VPS50: variants seen among roughly 807,000 people sequenced by gnomAD.
The protein encoded by VPS50 is VPS50 subunit of EARP/GARPII complex, also known as syndetin.
VPS50 carries 70 observed loss-of-function variants against 139.7 expected under a neutral mutation model. The observed-to-expected ratio is 0.50, with a 90% CI of 0.41 to 0.61. The LOEUF is 0.61. VPS50 is among the 20% of genes least tolerant of loss of function. VPS50 has a pLI of 0.00. For missense variants in VPS50, 921 were observed against 1,133.7 expected (o/e 0.81, Z 2.69); for synonymous variants, 365 against 376.7 (o/e 0.97, Z 0.36).
Position 93,360,946 on chromosome 7 carries a change from A to G in VPS50, c.*2510A>G, listed in dbSNP as rs1798816049. 6.6e-6 allele frequency: 1 copy of G among 151,972 alleles called. No individual in the cohort carries two copies. Among genetic ancestry groups the G allele is most frequent in the South Asian group, 2.1e-4 (1 of 4,836 alleles). 9.4% of individuals were successfully genotyped at this position (151,972 alleles called of 1,614,324 possible). ...GAATTTCTCTTGAAACCAGGGCCATATGGTATTTTATCATATCTTTAAATA... is the reference window on the plus strand; with the variant it reads ...GAATTTCTCTTGAAACCAGGGCCATGTGGTATTTTATCATATCTTTAAATA... On this transcript the variant is annotated 3_prime_UTR_variant, in exon 28 of 28. Transcript: ENST00000305866.
At chr7:93,274,699 T>C (rs1174557325) in intron 11 of VPS50, among the ~76,000 whole-genome samples, 3 of 152,176 alleles carry the variant, frequency 2.0e-5, no homozygotes, top group African/African-American at 7.2e-5. Flanking sequence ...GGCTTTCAAG[T>C]CATACTACTT....
At position 93,297,253 on chromosome 7, in the gene VPS50, CTAAT is replaced by C. The variant is rs775088109; in HGVS notation, c.1361+11_1361+14del. 4 of 1,529,148 alleles carry C rather than the reference CTAAT, an allele frequency of 2.6e-6. No individual in the cohort carries two copies. Among genetic ancestry groups the C allele is most frequent in the Non-Finnish European group, 3.5e-6 (4 of 1,151,482 alleles). The allele number at this position is 1,529,148 out of a possible 1,614,324, so 94.7% of individuals were successfully genotyped here. On this transcript the variant is annotated intron_variant, in intron 16 of 27. Transcript: ENST00000305866. ...TCAAGAATTACCATAGGTAAGAACT[CTAAT>C]AAGATATGAATCGACTTATTTAGGT...
At chr7:93,244,895 A>G (rs909539365) in intron 2 of VPS50, among the ~76,000 whole-genome samples, 1 of 151,894 alleles carries the variant, frequency 6.6e-6, no homozygotes, top group African/African-American at 2.4e-5. Context: ...TAATGAAATT[A>G]TGCTTCTCAT....
At chr7:93,239,004 A>G (rs1450793437) in intron 1 of VPS50, among the ~76,000 whole-genome samples, 4 of 152,204 alleles carry the variant, frequency 2.6e-5, no homozygotes, top group African/African-American at 9.7e-5. Context: ...TCTGTAGTTT[A>G]AAGATAAGCA....
chr7:93,265,158 A>T (rs1795802942), intron 9 of VPS50, among the ~76,000 whole-genome samples: 1 of 151,980 alleles, frequency 6.6e-6, no homozygotes, highest in Non-Finnish European at 1.5e-5. Flanking sequence ...ATAATTAAAA[A>T]ATATATACAT....
intron 25 of VPS50, 83 bp from the exon 26 acceptor site, chr7:93,353,557 C>A (rs1432895585): frequency 1.4e-6 from 2 of 1,440,842 alleles, no homozygotes; most frequent in Non-Finnish European, 1.9e-6. Flanking sequence ...CTTTCTAAAT[C>A]TTTTTTATTT....
chr7:93,280,729 T>C (rs1210378066), intron 12 of VPS50, among the ~76,000 whole-genome samples: 1 of 152,128 alleles, frequency 6.6e-6, no homozygotes, highest in Non-Finnish European at 1.5e-5. Context: ...AATTAGGATG[T>C]TATTGATTAA....
At chr7:93,326,038 GAACCA>G (rs1797759950) in intron 21 of VPS50, among the ~76,000 whole-genome samples, 1 of 152,004 alleles carries the variant, frequency 6.6e-6, no homozygotes. Context: ...CAAAGACTTG[GAACCA>G]AGCCAAATGT....
At chr7:93,235,881 A>G (rs939805473) in intron 1 of VPS50, among the ~76,000 whole-genome samples, 6 of 152,220 alleles carry the variant, frequency 3.9e-5, no homozygotes, top group Non-Finnish European at 5.9e-5. Context: ...ATTGCATATA[A>G]ACTGGTTAAG....
intron 19 of VPS50, among the ~76,000 whole-genome samples, chr7:93,309,556 T>C (rs1797207158): frequency 6.6e-6 from 1 of 151,850 alleles, no homozygotes; most frequent in South Asian, 2.1e-4. Context: ...AAGGAGAAAA[T>C]GGTCATTTGT....
intron 12 of VPS50, among the ~76,000 whole-genome samples, chr7:93,279,270 A>G (rs1213952646): frequency 6.6e-6 from 1 of 152,182 alleles, no homozygotes; most frequent in Non-Finnish European, 1.5e-5. Flanking sequence ...TTGATGGTTA[A>G]ATCAGGTAAG....
chr7:93,235,224 G>T (rs534084074), intron 1 of VPS50, among the ~76,000 whole-genome samples: 1 of 152,174 alleles, frequency 6.6e-6, no homozygotes, highest in Non-Finnish European at 1.5e-5. Flanking sequence ...CAAGTGGCCT[G>T]TGTGGGTGAA....
At chr7:93,305,296 CAT>C (rs1797082890) in intron 17 of VPS50, among the ~76,000 whole-genome samples, 1 of 151,784 alleles carries the variant, frequency 6.6e-6, no homozygotes, top group Non-Finnish European at 1.5e-5. Flanking sequence ...ATGACTTTGG[CAT>C]ATATGTTTGT....
At chr7:93,344,080 A>C (rs1331863199) in intron 23 of VPS50, among the ~76,000 whole-genome samples, 1 of 152,196 alleles carries the variant, frequency 6.6e-6, no homozygotes, top group Non-Finnish European at 1.5e-5. Flanking sequence ...GTATTCAGGA[A>C]ACCCATCTCA....
At chr7:93,267,411 T>C (rs1002838068) in intron 9 of VPS50, among the ~76,000 whole-genome samples, 4 of 152,204 alleles carry the variant, frequency 2.6e-5, no homozygotes, top group African/African-American at 9.6e-5. Flanking sequence ...TCTGTAGTTT[T>C]ATTTATTGAG....
At chr7:93,277,082 G>C (rs891502146) in intron 12 of VPS50, among the ~76,000 whole-genome samples, 3 of 151,970 alleles carry the variant, frequency 2.0e-5, no homozygotes, top group Non-Finnish European at 2.9e-5. Context: ...GAGGTGAAAG[G>C]GTATAAATAA....
chr7:93,289,796 A>G (rs928080637), intron 12 of VPS50, among the ~76,000 whole-genome samples: 24 of 152,072 alleles, frequency 1.6e-4, no homozygotes, highest in African/African-American at 5.3e-4. Context: ...GTGCGATGCC[A>G]TCTTTATCAT....
Position 93,258,267 on chromosome 7 carries a change from A to T in VPS50, c.531A>T (p.Ile177=). Reference sequence around the variant, plus strand: ...GACTTCTGAAATCTCTGAGAACTATAAAAACATTGGTATATATGGGTCATT... The same window carrying T: ...GACTTCTGAAATCTCTGAGAACTATTAAAACATTGGTATATATGGGTCATT... The part of the protein sequence containing the change: ...LIGLLKSLRT[I]KTLQRTDVRL... The change falls in exon 7 of 28, where the codon ATA becomes ATT. Residue 177 remains isoleucine, a synonymous_variant. Transcript: ENST00000305866. 6.3e-7 allele frequency: 1 copy of T among 1,581,194 alleles called. No homozygotes were observed. Among genetic ancestry groups the T allele is most frequent in the Non-Finnish European group, 8.7e-7 (1 of 1,150,422 alleles).
At chr7:93,315,810 T>C (rs1241710796) in intron 20 of VPS50, among the ~76,000 whole-genome samples, 5 of 152,248 alleles carry the variant, frequency 3.3e-5, no homozygotes, top group East Asian at 3.9e-4. Context: ...CCATGTATAT[T>C]GCATTCATTA....
Sources: gnomAD v4.1 joint callset for allele counts (sites outside exome capture counted in the v4.1 genomes callset) on GRCh38, gnomAD v4.1.1 for gene constraint, MANE v1.5 for transcripts, NCBI Gene and HGNC (gene_info 2026-07-23, HGNC 2026-07-21) for gene names.